ARB2A: variants seen among roughly 807,000 people sequenced by gnomAD.
ARB2A encodes the protein ARB2 cotranscriptional regulator A, also known as cotranscriptional regulator ARB2A.
the ARB2A span, among the ~76,000 whole-genome samples, chr5:93,966,480 C>T: frequency 1.3e-5 from 2 of 152,016 alleles, no homozygotes; most frequent in African/African-American, 2.4e-5. Flanking sequence ...GCTTATTTAG[C>T]TTTGAAAAAC....
chr5:93,817,430 A>G, the ARB2A span, among the ~76,000 whole-genome samples: 13 of 152,304 alleles, frequency 8.5e-5, no homozygotes, highest in Admixed American at 8.5e-4. Flanking sequence ...ATCAATCCCA[A>G]TACAAATCTC....
the ARB2A span, among the ~76,000 whole-genome samples, chr5:94,009,126 A>C: frequency 6.6e-6 from 1 of 152,242 alleles, no homozygotes; most frequent in African/African-American, 2.4e-5. Context: ...CCTTAATCAC[A>C]AGAAATATGA....
At chr5:93,686,863 AT>A in the ARB2A span, among the ~76,000 whole-genome samples, 2 of 152,198 alleles carry the variant, frequency 1.3e-5, no homozygotes, top group Admixed American at 1.3e-4. Flanking sequence ...AAAAAAAATC[AT>A]AAAGGCACTA....
chr5:94,016,104 C>T, the ARB2A span, among the ~76,000 whole-genome samples: 1 of 152,110 alleles, frequency 6.6e-6, no homozygotes, highest in African/African-American at 2.4e-5. Flanking sequence ...ATATTCCATG[C>T]AACTGTAAAG....
chr5:93,775,302 T>A, the ARB2A span, among the ~76,000 whole-genome samples: 1 of 152,238 alleles, frequency 6.6e-6, no homozygotes, highest in Admixed American at 6.5e-5. Flanking sequence ...TAGCTATCAC[T>A]TGTGATTGTT....
At chr5:94,063,653 A>G in the ARB2A span, among the ~76,000 whole-genome samples, 1 of 152,144 alleles carries the variant, frequency 6.6e-6, no homozygotes, top group Non-Finnish European at 1.5e-5. Context: ...ACTAGAGCCC[A>G]AGGAATAGCC....
chr5:93,948,283 ATG>A, the ARB2A span, among the ~76,000 whole-genome samples: 5 of 152,040 alleles, frequency 3.3e-5, no homozygotes. Context: ...GCATTTTTTC[ATG>A]TGTTTTTTGG....
the ARB2A span, among the ~76,000 whole-genome samples, chr5:94,054,240 T>C: frequency 6.6e-6 from 1 of 152,214 alleles, no homozygotes; most frequent in Non-Finnish European, 1.5e-5. Flanking sequence ...CAGGCATTAT[T>C]CATATTTCAC....
the ARB2A span, among the ~76,000 whole-genome samples, chr5:93,794,727 G>A: frequency 6.6e-6 from 1 of 151,926 alleles, no homozygotes; most frequent in South Asian, 2.1e-4. Flanking sequence ...GCTCTGGTTG[G>A]TACTGGGAGT....
At chr5:93,815,145 GA>G in the ARB2A span, among the ~76,000 whole-genome samples, 30 of 152,292 alleles carry the variant, frequency 2.0e-4, no homozygotes, top group Middle Eastern at 3.4e-3. Flanking sequence ...GTCCAGCCAA[GA>G]AACACTTTCA....
the ARB2A span, among the ~76,000 whole-genome samples, chr5:93,933,841 CA>C: frequency 2.0e-5 from 3 of 151,710 alleles, no homozygotes; most frequent in Non-Finnish European, 4.4e-5. Flanking sequence ...AAAAAACAAA[CA>C]AAAAAATATA....
the ARB2A span, among the ~76,000 whole-genome samples, chr5:94,068,506 A>C: frequency 6.6e-6 from 1 of 152,200 alleles, no homozygotes; most frequent in Non-Finnish European, 1.5e-5. Flanking sequence ...AGCTCCCATA[A>C]AATGGGAGGG....
At chr5:93,883,457 A>G in the ARB2A span, among the ~76,000 whole-genome samples, 1 of 151,602 alleles carries the variant, frequency 6.6e-6, no homozygotes, top group East Asian at 1.9e-4. Context: ...TTTACCAACA[A>G]AAGATATTTT....
At chr5:93,718,001 A>G in the ARB2A span, among the ~76,000 whole-genome samples, 1 of 151,740 alleles carries the variant, frequency 6.6e-6, no homozygotes, top group Non-Finnish European at 1.5e-5. Context: ...TGCCCGGCTA[A>G]GTTTTGTATT....
chr5:94,085,681 G>A, the ARB2A span, among the ~76,000 whole-genome samples: 1 of 152,136 alleles, frequency 6.6e-6, no homozygotes, highest in Non-Finnish European at 1.5e-5. Context: ...AAGAAGCAAA[G>A]ATCACTGGGG....
chr5:94,016,475 T>C, the ARB2A span, among the ~76,000 whole-genome samples: 2 of 152,222 alleles, frequency 1.3e-5, no homozygotes, highest in African/African-American at 4.8e-5. Flanking sequence ...CTCATCGTGA[T>C]GGGTGTTTAG....
the ARB2A span, among the ~76,000 whole-genome samples, chr5:93,690,882 G>A: frequency 6.6e-6 from 1 of 152,132 alleles, no homozygotes; most frequent in Non-Finnish European, 1.5e-5. Flanking sequence ...GCCTCCGCTG[G>A]TGATACCCAG....
At chr5:93,776,648 C>G in the ARB2A span, among the ~76,000 whole-genome samples, 1 of 152,106 alleles carries the variant, frequency 6.6e-6, no homozygotes, top group South Asian at 2.1e-4. Context: ...CGTGGTGGTG[C>G]ATGCCTGTAG....
the ARB2A span, among the ~76,000 whole-genome samples, chr5:94,032,447 C>A: frequency 6.6e-6 from 1 of 152,130 alleles, no homozygotes; most frequent in Non-Finnish European, 1.5e-5. Context: ...AAAATAGACA[C>A]CACGGGAATG....
Sources: gnomAD v4.1 joint callset for allele counts (sites outside exome capture counted in the v4.1 genomes callset) on GRCh38, gnomAD v4.1.1 for gene constraint, MANE v1.5 for transcripts, NCBI Gene and HGNC (gene_info 2026-07-23, HGNC 2026-07-21) for gene names.